Variants in ALG12 observed in about 807,000 individuals in gnomAD.
The protein encoded by ALG12 is dol-P-Man:Man(7)GlcNAc(2)-PP-Dol alpha-1,6-mannosyltransferase.
A neutral mutation model predicts 46.0 loss-of-function variants in ALG12; 36 were observed. That is an observed-to-expected ratio of 0.78 (90% CI 0.60 to 1.03). ALG12 has a LOEUF of 1.03. ALG12 is among the 50% of genes least tolerant of loss of function. ALG12 has a pLI of 0.00. For missense variants in ALG12, 599 were observed against 633.5 expected (o/e 0.95, Z 0.58); for synonymous variants, 326 against 291.6 (o/e 1.12, Z -1.20).
At chr22:49,882,192 C>G in the ALG12 span, among the ~76,000 whole-genome samples, 1 of 152,232 alleles carries the variant, frequency 6.6e-6, no homozygotes, top group Non-Finnish European at 1.5e-5. Context: ...CTCTCCTGCC[C>G]ATTTGCCACT....
At chr22:49,880,229 G>T in the ALG12 span, among the ~76,000 whole-genome samples, 1 of 152,112 alleles carries the variant, frequency 6.6e-6, no homozygotes, top group Admixed American at 6.5e-5. Context: ...GACCCTGCTT[G>T]CTGTTCACTC....
In ALG12 at chr22:49,906,466, G is replaced by A. The variant is rs771784239; in HGVS notation, c.992+1255C>T. On this transcript the variant is annotated intron_variant, in intron 7 of 9. Coordinates refer to ENST00000330817, the MANE Select transcript of ALG12 (RefSeq NM_024105.4). The surrounding 1 kb of genome is among the most constrained non-coding windows in gnomAD (Gnocchi z 4.4). ...CAACCCAGGCACGGCCACGGCAGCCGGAGGAACCCCCAGCGAGGAACAGTC... is the reference window on the plus strand; with the variant it reads ...CAACCCAGGCACGGCCACGGCAGCCAGAGGAACCCCCAGCGAGGAACAGTC... 4.6e-5 allele frequency among the ~76,000 whole-genome samples: 7 copies of A among 152,076 alleles called. No homozygotes were observed. The highest frequency in any genetic ancestry group is 7.2e-5 in the African/African-American group (3 of 41,390).
chr22:49,883,398 A>C, the ALG12 span: 33 of 330,000 alleles, frequency 1.0e-4, no homozygotes, highest in South Asian at 1.4e-3. Flanking sequence ...TCAGGACCAG[A>C]AGCACGTCTC....
At position 49,904,497 on chromosome 22, in the gene ALG12, GT is replaced by G. The variant is rs759244819; in HGVS notation, c.1001del (p.Asn334ThrfsTer15). On this transcript the variant is annotated frameshift_variant, in exon 8 of 10. Coordinates refer to ENST00000330817, the MANE Select transcript of ALG12 (RefSeq NM_024105.4). LOFTEE classifies it high-confidence loss of function. ...CTTTGTACAGCCAAGACTTTTTATA[GT>G]TATTCAGCCTGAAAAAAGAATGGTT... is the stretch of plus-strand genomic sequence containing the variant. ...AARGCSYLLNNYKKSWLYKAG... is the reference protein window; with the variant it reads ...AARGCSYLLNXYKKSWLYKAG... The G allele has an allele frequency of 2.0e-5, 33 of 1,614,008 alleles. No homozygotes were observed. The Admixed American group carries it at 2.2e-4, about 11-fold the overall frequency.
At chr22:49,899,794 G>C (rs1036437602), downstream of ALG12, among the ~76,000 whole-genome samples, 23 of 152,056 alleles carry the variant, frequency 1.5e-4, no homozygotes, top group Non-Finnish European at 3.2e-4. Context: ...GGAAACTGTG[G>C]CTTATCATGT....
At chr22:49,882,849 C>A in the ALG12 span, among the ~76,000 whole-genome samples, 1 of 152,256 alleles carries the variant, frequency 6.6e-6, no homozygotes, top group East Asian at 1.9e-4. Flanking sequence ...GCAGGAGCCA[C>A]TGTGGTCCGT....
In ALG12 at chr22:49,901,410, C is replaced by T. The variant is rs1320979302; in HGVS notation, c.*2428G>A. On this transcript the variant is annotated 3_prime_UTR_variant, in exon 10 of 10. Coordinates refer to ENST00000330817, the MANE Select transcript of ALG12 (RefSeq NM_024105.4). ...GGCACCTGGGCAACAGCCACAAGCT[C>T]TCAAAGAGCACAGGAAGAAATCATG... 6.6e-6 allele frequency: 1 copy of T among 152,314 alleles called. No homozygotes were observed. The highest frequency in any genetic ancestry group is 1.5e-5 in the Non-Finnish European group (1 of 68,082). The allele number at this position is 152,314 out of a possible 1,614,324, so 9.4% of individuals were successfully genotyped here. A position where few individuals can be genotyped will look rare whatever the true frequency, so the allele number is the denominator to read the frequency against.
the ALG12 span, among the ~76,000 whole-genome samples, chr22:49,872,369 G>C: frequency 6.6e-6 from 1 of 152,130 alleles, no homozygotes; most frequent in African/African-American, 2.4e-5. Context: ...TTTGGGTTCT[G>C]TGTATAATTC....
rs2060541747 is a variant in ALG12, at chr22:49,906,327, C to T, written c.992+1394G>A. 6.6e-6 allele frequency among the ~76,000 whole-genome samples: 1 copy of T among 152,218 alleles called. No homozygotes were observed. Among genetic ancestry groups the T allele is most frequent in the Admixed American group, 6.5e-5 (1 of 15,288 alleles). ...ATGACTCTGGCTGGGGTCTGCTCCT[C>T]CTCCAGCCCTGAGCCGACCCCTGAG... On this transcript the variant is annotated intron_variant, in intron 7 of 9. Transcript: ENST00000330817. This position sits in a 1 kb window ranked among gnomAD's most constrained non-coding sequence, Gnocchi z 4.4.
At position 49,913,713 on chromosome 22, in the gene ALG12, A is replaced by ACCAGCAGCC; in HGVS notation, c.44_52dup (p.Gly15_Leu17dup). The ACCAGCAGCC allele has an allele frequency of 6.2e-7, 1 of 1,613,336 alleles. No individual in the cohort carries two copies. The highest frequency in any genetic ancestry group is 8.5e-7 in the Non-Finnish European group (1 of 1,180,012). ...GACCAGGTGGACAGTGGCTACGGCC[A>ACCAGCAGCC]CCAGCAGCCCCAGCAGCAGGGGCCG... On this transcript the variant is annotated inframe_insertion, in exon 2 of 10. Transcript: ENST00000330817.
chr22:49,875,848 T>C, the ALG12 span, among the ~76,000 whole-genome samples: 1 of 152,170 alleles, frequency 6.6e-6, no homozygotes, highest in Non-Finnish European at 1.5e-5. Flanking sequence ...GTAAATTCTG[T>C]CTTCTCCATT....
At chr22:49,911,971 G>T (rs1432330958) in intron 3 of ALG12, among the ~76,000 whole-genome samples, 1 of 152,192 alleles carries the variant, frequency 6.6e-6, no homozygotes, top group Non-Finnish European at 1.5e-5. Flanking sequence ...TCGGCCTCAC[G>T]ATCAGCCTCG....
chr22:49,915,362 T>G (rs574263431), intron 1 of ALG12, among the ~76,000 whole-genome samples: 6 of 151,816 alleles, frequency 4.0e-5, no homozygotes, highest in South Asian at 4.2e-4. Context: ...ATCAAGACCA[T>G]CCTGGCCAAC....
chr22:49,909,953 C>G lies in ALG12; in HGVS notation c.605G>C (p.Arg202Pro). 6.2e-7 allele frequency: 1 copy of G among 1,614,094 alleles called. No individual in the cohort carries two copies. Among genetic ancestry groups the G allele is most frequent in the African/African-American group, 1.3e-5 (1 of 75,066 alleles). ...GLLLLLALGN[R>P]KVSVVRALRH... is the part of the protein sequence containing the mutation. The stretch of plus-strand genomic sequence containing the variant: ...AAGGGCTCTGACTACAGAAACCTTT[C>G]GGTTGCCCAAGGCCAGCAGCAGCAG... Residue 202 changes from arginine (R) to proline (P), a missense_variant, in exon 5 of 10, where the codon CGA becomes CCA. By Grantham distance (103) the Arg-to-Pro change is moderately radical. Coordinates refer to ENST00000330817, the MANE Select transcript of ALG12 (RefSeq NM_024105.4).
chr22:49,871,717 C>T, the ALG12 span, among the ~76,000 whole-genome samples: 1 of 151,132 alleles, frequency 6.6e-6, no homozygotes, highest in South Asian at 2.1e-4. Flanking sequence ...GTGCAGATTG[C>T]TGAAGGGTGG....
intron 3 of ALG12, among the ~76,000 whole-genome samples, chr22:49,912,282 C>T (rs1358215675): frequency 1.3e-5 from 2 of 152,226 alleles, no homozygotes; most frequent in Non-Finnish European, 2.9e-5. Context: ...GGTGGGCTCC[C>T]GTTCACCAGC....
At position 49,914,540 on chromosome 22, in the gene ALG12, G is replaced by C. The variant is rs566809242; in HGVS notation, c.-78-697C>G. 3.7e-4 allele frequency among the ~76,000 whole-genome samples: 57 copies of C among 152,316 alleles called. 1 individual carries two copies. The Middle Eastern group carries it at 0.014, about 36-fold the overall frequency. On this transcript the variant is annotated intron_variant, in intron 1 of 9. Coordinates refer to ENST00000330817, the MANE Select transcript of ALG12 (RefSeq NM_024105.4). Reference sequence around the variant, plus strand: ...CAAACACTAACAGGACAACCTCAGGGGCCCGTGGCACGGAGCTTCCTGAGA... The same window carrying C: ...CAAACACTAACAGGACAACCTCAGGCGCCCGTGGCACGGAGCTTCCTGAGA...
At chr22:49,865,510 TA>T in the ALG12 span, among the ~76,000 whole-genome samples, 1 of 151,452 alleles carries the variant, frequency 6.6e-6, no homozygotes, top group South Asian at 2.1e-4. Flanking sequence ...AAAAAAATAA[TA>T]ACCCGTCTCT....
the ALG12 span, among the ~76,000 whole-genome samples, chr22:49,881,982 C>T: frequency 6.6e-6 from 1 of 152,216 alleles, no homozygotes; most frequent in Non-Finnish European, 1.5e-5. Flanking sequence ...ATACATCTTG[C>T]TTTGCTACAG....
Sources: allele counts gnomAD v4.1 joint callset (sites outside exome capture counted in the v4.1 genomes callset), GRCh38; gene constraint gnomAD v4.1.1; non-coding constraint Gnocchi (gnomAD v3.1); transcripts MANE v1.5; gene names NCBI Gene and HGNC (gene_info 2026-07-23, HGNC 2026-07-21).